The following ERO1B variants were observed in gnomAD, a reference collection of about 807,000 sequenced individuals.
ERO1B encodes the protein ERO1-like protein beta.
Under a neutral mutation model 75.3 loss-of-function variants are expected in ERO1B, and 49 were observed. The observed-to-expected ratio is 0.65, with a 90% CI of 0.52 to 0.83. The LOEUF is 0.83. Ranked by LOEUF, ERO1B falls within the 40% of genes least tolerant of loss-of-function variation. The probability of loss-of-function intolerance (pLI) is 0.00; values close to 1 mark genes in which losing one functional copy is unlikely to be tolerated. For synonymous variants in ERO1B, 191 were observed against 192.9 expected (o/e 0.99, Z 0.08); for missense variants, 512 against 560.1 (o/e 0.91, Z 0.87).
intron 5 of ERO1B, 93 bp downstream of exon 5, chr1:236,249,792 T>C (rs1282646811): frequency 1.8e-5 from 17 of 932,674 alleles, no homozygotes; most frequent in Non-Finnish European, 2.5e-5. Context: ...GTTAAAACTT[T>C]AATGGGTTCG....
chr1:236,249,903 G>T lies in ERO1B; in HGVS notation c.413C>A (p.Ala138Glu). Residue 138 changes from alanine to glutamate, a missense_variant, in exon 5 of 16, where the codon GCA becomes GAA. Physicochemically the swap from Ala to Glu is moderately radical, Grantham distance 107. Coordinates refer to ENST00000354619, the MANE Select transcript of ERO1B (RefSeq NM_019891.4). ...AACTTGCCTTAATGTGCTGTTAATTGCTCCCAGTTTATTAGCTTGCTCACA... is the reference window on the plus strand; with the variant it reads ...AACTTGCCTTAATGTGCTGTTAATTTCTCCCAGTTTATTAGCTTGCTCACA... ...EDCEQANKLG[A>E]INSTLSNQSK... 6.3e-7 allele frequency: 1 copy of T among 1,593,122 alleles called. No homozygotes were observed. Among genetic ancestry groups the T allele is most frequent in the Non-Finnish European group, 8.5e-7 (1 of 1,171,298 alleles).
intron 3 of ERO1B, among the ~76,000 whole-genome samples, chr1:236,252,318 A>C (rs1382147287): frequency 6.6e-6 from 1 of 152,180 alleles, no homozygotes; most frequent in African/African-American, 2.4e-5. Flanking sequence ...GACATACACA[A>C]AGTAAGAAAG....
chr1:236,261,304 A>T (rs1057438347), intron 2 of ERO1B, among the ~76,000 whole-genome samples: 7 of 152,220 alleles, frequency 4.6e-5, no homozygotes, highest in Admixed American at 1.3e-4. Context: ...AGTTCTAGTC[A>T]GAGCAATAAG....
At chr1:236,221,870 A>G in intron 14 of ERO1B, 54 bp downstream of exon 14, 2 of 1,334,552 alleles carry the variant, frequency 1.5e-6, no homozygotes, top group Non-Finnish European at 2.1e-6. Context: ...GCTTGGACTC[A>G]GTGGAAAAAA....
At chr1:236,279,509 A>AAAAAC (rs1665778065) in intron 1 of ERO1B, among the ~76,000 whole-genome samples, 1 of 144,546 alleles carries the variant, frequency 6.9e-6, no homozygotes, top group Non-Finnish European at 1.5e-5. Context: ...CATCTCAAAA[A>AAAAAC]AAAAAAAAAA....
In ERO1B at chr1:236,226,706, A is replaced by G; in HGVS notation, c.746T>C (p.Leu249Pro). ...GATGCTAGCATGAAGTCCCGATATA[A>G]GCTTATAGAAGACTCTTTTCTCCAG... ...LCLEKRVFYK[L>P]ISGLHASINL... is the part of the protein sequence containing the mutation. The change falls in exon 11 of 16, where the codon CTT (leucine) becomes CCT (proline). Residue 249 changes from leucine (L) to proline (P), a missense_variant. By Grantham distance (98) the Leu-to-Pro change is moderately conservative (BLOSUM62 -3). Coordinates refer to ENST00000354619, the MANE Select transcript of ERO1B (RefSeq NM_019891.4). 1 of 1,612,272 alleles carries G rather than the reference A, an allele frequency of 6.2e-7. No individual in the cohort carries two copies. Among genetic ancestry groups the G allele is most frequent in the Non-Finnish European group, 8.5e-7 (1 of 1,179,560 alleles).
At chr1:236,223,305 T>C (rs1664201712) in intron 13 of ERO1B, among the ~76,000 whole-genome samples, 1 of 152,098 alleles carries the variant, frequency 6.6e-6, no homozygotes, top group African/African-American at 2.4e-5. Flanking sequence ...TCTCACTTTA[T>C]CTGCGGATAA....
In ERO1B at chr1:236,216,670, TTAAA is replaced by T. The variant is rs1454264848; in HGVS notation, c.*1842_*1845del. 2 of 152,022 alleles carry T rather than the reference TTAAA, an allele frequency of 1.3e-5. No individual in the cohort carries two copies. The highest frequency in any genetic ancestry group is 2.9e-5 in the Non-Finnish European group (2 of 67,942). 9.4% of individuals were successfully genotyped at this position (152,022 alleles called of 1,614,324 possible). A position where few individuals can be genotyped will look rare whatever the true frequency, so the allele number is the denominator to read the frequency against. ...GCGAGGATTTTCTCCAGTAAACAGT[TTAAA>T]TAATAGCCTTTAACTGAGGGAGTGG... On this transcript the variant is annotated 3_prime_UTR_variant, in exon 16 of 16. Coordinates refer to ENST00000354619, the MANE Select transcript of ERO1B (RefSeq NM_019891.4).
chr1:236,257,397 T>C (rs1177173607), intron 2 of ERO1B, among the ~76,000 whole-genome samples: 1 of 152,080 alleles, frequency 6.6e-6, no homozygotes, highest in South Asian at 2.1e-4. Context: ...AGCCAAAATC[T>C]TGGCAGCCTT....
chr1:236,242,482 A>G (rs1483251378), intron 6 of ERO1B, among the ~76,000 whole-genome samples: 1 of 152,190 alleles, frequency 6.6e-6, no homozygotes, highest in Admixed American at 6.5e-5. Flanking sequence ...CTGAAACCAT[A>G]TAAGCCAAGA....
chr1:236,279,227 G>A (rs1364056895), intron 1 of ERO1B, among the ~76,000 whole-genome samples: 1 of 152,218 alleles, frequency 6.6e-6, no homozygotes, highest in Non-Finnish European at 1.5e-5. Context: ...ATCAGGCCAG[G>A]CACGGTGGCT....
At chr1:236,234,697 C>G (rs1664495508) in intron 8 of ERO1B, among the ~76,000 whole-genome samples, 1 of 152,132 alleles carries the variant, frequency 6.6e-6, no homozygotes, top group Non-Finnish European at 1.5e-5. Context: ...TGCAGTCAAC[C>G]CTTCCAAGTC....
rs543442344 is a variant in ERO1B at position 236,259,761 on chromosome 1, G to A, written c.223-6256C>T. ...AAGCAAATATCAATAGCTTTGAAGA[G>A]AGAGATAAATTGCAATACAATAAGA... On this transcript the variant is annotated intron_variant, in intron 2 of 15. Coordinates refer to ENST00000354619, the MANE Select transcript of ERO1B (RefSeq NM_019891.4). 9.2e-5 allele frequency among the ~76,000 whole-genome samples: 14 copies of A among 152,010 alleles called. No homozygotes were observed. The East Asian group carries it at 2.5e-3, about 27-fold the overall frequency.
chr1:236,248,843 A>C (rs1198319934), intron 5 of ERO1B, among the ~76,000 whole-genome samples: 1 of 152,160 alleles, frequency 6.6e-6, no homozygotes, highest in African/African-American at 2.4e-5. Context: ...CTTGTTCCTT[A>C]AAACATATGG....
chr1:236,227,305 T>G (rs990359439), intron 10 of ERO1B, among the ~76,000 whole-genome samples: 1 of 152,172 alleles, frequency 6.6e-6, no homozygotes, highest in African/African-American at 2.4e-5. Flanking sequence ...AGTGGAATCA[T>G]ATCAGTGGAG....
intron 6 of ERO1B, among the ~76,000 whole-genome samples, chr1:236,241,509 C>T (rs551348680): frequency 2.0e-5 from 3 of 152,148 alleles, no homozygotes; most frequent in African/African-American, 7.2e-5. Context: ...TGCCATTGCA[C>T]TCCAGCCTGG....
At chr1:236,238,314 A>C (rs1329550900) in intron 6 of ERO1B, among the ~76,000 whole-genome samples, 1 of 152,202 alleles carries the variant, frequency 6.6e-6, no homozygotes, top group African/African-American at 2.4e-5. Context: ...AGATTGACTC[A>C]GGGCTCAAAA....
chr1:236,218,956 A>G (rs1664067068), intron 15 of ERO1B, among the ~76,000 whole-genome samples: 1 of 150,694 alleles, frequency 6.6e-6, no homozygotes, highest in African/African-American at 2.4e-5. Context: ...CCTAAGGGTA[A>G]AGACTCTATT....
At chr1:236,268,722 T>C (rs1302240357) in intron 2 of ERO1B, among the ~76,000 whole-genome samples, 2 of 151,124 alleles carry the variant, frequency 1.3e-5, no homozygotes, top group Non-Finnish European at 1.5e-5. Context: ...CCGTCTCTAC[T>C]AAAAATACAA....
Sources: gnomAD v4.1 joint callset for allele counts (sites outside exome capture counted in the v4.1 genomes callset) on GRCh38, gnomAD v4.1.1 for gene constraint, MANE v1.5 for transcripts, NCBI Gene and HGNC (gene_info 2026-07-23, HGNC 2026-07-21) for gene names.